The following CNBD1 variants were observed in gnomAD, a reference collection of about 807,000 sequenced individuals.
CNBD1 encodes the protein cyclic nucleotide-binding domain-containing protein 1.
CNBD1 carries 71 observed loss-of-function variants against 54.4 expected under a neutral mutation model. That is an observed-to-expected ratio of 1.30 (90% confidence interval 1.08 to 1.59). The LOEUF is 1.59. Ranked by LOEUF, CNBD1 falls within the 40% of genes most tolerant of loss-of-function variation. The probability of loss-of-function intolerance (pLI) is 0.00; values close to 1 mark genes in which losing one functional copy is unlikely to be tolerated. For missense variants in CNBD1, 659 were observed against 518.0 expected (o/e 1.27, Z -2.64); for synonymous variants, 182 against 170.7 (o/e 1.07, Z -0.51).
intron 8 of CNBD1, among the ~76,000 whole-genome samples, chr8:87,293,416 C>T (rs908223593): frequency 3.9e-5 from 6 of 152,054 alleles, no homozygotes; most frequent in Admixed American, 6.6e-5. Flanking sequence ...CAGTGGCAGG[C>T]GCTTGTAATC....
chr8:87,428,361 T>G (rs1331292528), intron 2 of CNBD1, among the ~76,000 whole-genome samples: 1 of 152,148 alleles, frequency 6.6e-6, no homozygotes, highest in Admixed American at 6.6e-5. Context: ...TTACTGATGC[T>G]AAAATTTTAT....
At chr8:87,362,556 C>T (rs935485207) in intron 10 of CNBD1, among the ~76,000 whole-genome samples, 1 of 151,984 alleles carries the variant, frequency 6.6e-6, no homozygotes, top group African/African-American at 2.4e-5. Context: ...TTAATCATAA[C>T]CTTATTTACA....
At chr8:87,213,475 T>C (rs532087239) in intron 5 of CNBD1, among the ~76,000 whole-genome samples, 1 of 152,110 alleles carries the variant, frequency 6.6e-6, no homozygotes, top group African/African-American at 2.4e-5. Flanking sequence ...ACATCTTACA[T>C]GGTGGCAGAC....
chr8:87,010,872 G>C (rs1809205709), intron 4 of CNBD1, among the ~76,000 whole-genome samples: 1 of 151,968 alleles, frequency 6.6e-6, no homozygotes, highest in Non-Finnish European at 1.5e-5. Flanking sequence ...TTTCCTTGTA[G>C]GTGTGTTTCT....
At chr8:87,361,740 A>G (rs1340192786) in intron 10 of CNBD1, among the ~76,000 whole-genome samples, 1 of 150,932 alleles carries the variant, frequency 6.6e-6, no homozygotes, top group Non-Finnish European at 1.5e-5. Flanking sequence ...ATCTTTGGCT[A>G]ATATGTCATC....
At chr8:87,336,422 T>C (rs1237080583) in intron 8 of CNBD1, among the ~76,000 whole-genome samples, 2 of 152,254 alleles carry the variant, frequency 1.3e-5, no homozygotes, top group South Asian at 2.1e-4. Context: ...TCTAATCTTG[T>C]CTGCCTGCCT....
At chr8:87,290,463 T>G (rs190631909) in intron 8 of CNBD1, among the ~76,000 whole-genome samples, 2 of 152,248 alleles carry the variant, frequency 1.3e-5, no homozygotes, top group Non-Finnish European at 1.5e-5. Context: ...TATACACATA[T>G]TATTTCACAC....
intron 3 of CNBD1, among the ~76,000 whole-genome samples, chr8:86,912,954 A>G (rs1404989175): frequency 6.6e-6 from 1 of 152,178 alleles, no homozygotes; most frequent in Non-Finnish European, 1.5e-5. Context: ...AGTAAAAATA[A>G]AAATAAAAAA....
intron 6 of CNBD1, among the ~76,000 whole-genome samples, chr8:87,268,472 G>A (rs1484380306): frequency 5.3e-5 from 8 of 152,008 alleles, no homozygotes; most frequent in Non-Finnish European, 1.2e-4. Context: ...ATACCCAGTA[G>A]TGGGATGGTT....
rs140916486 is a variant in CNBD1, at chr8:86,919,373, G to A, written c.272+14179G>A. Among the ~76,000 whole-genome samples, 403 of 152,332 alleles carry A rather than the reference G, an allele frequency of 2.6e-3. 3 individuals are homozygous for A. Among genetic ancestry groups the A allele is most frequent in the African/African-American group, 9.4e-3 (389 of 41,576 alleles). On this transcript the variant is annotated intron_variant, in intron 3 of 10. Transcript: ENST00000518476. ...GGTTTGGAGAGCCCCAACCAGCCAT[G>A]TGAGCAGTGAGTTCTTATAGGCCAA...
chr8:87,144,303 G>A (rs1314873280), intron 4 of CNBD1, among the ~76,000 whole-genome samples: 2 of 152,056 alleles, frequency 1.3e-5, no homozygotes, highest in Admixed American at 6.6e-5. Context: ...TTTAAAATGA[G>A]TTTACTTTAG....
At chr8:87,411,924 T>G (rs1169740454) in intron 2 of CNBD1, among the ~76,000 whole-genome samples, 1 of 151,894 alleles carries the variant, frequency 6.6e-6, no homozygotes, top group Non-Finnish European at 1.5e-5. Context: ...TTTAAAAAAG[T>G]TTTGCTTGTA....
intron 10 of CNBD1, among the ~76,000 whole-genome samples, chr8:87,381,170 C>A (rs1318274017): frequency 6.6e-6 from 1 of 151,844 alleles, no homozygotes; most frequent in Non-Finnish European, 1.5e-5. Context: ...ATATATAAGA[C>A]AATATTCCAT....
intron 10 of CNBD1, among the ~76,000 whole-genome samples, chr8:87,358,642 A>G (rs1174843939): frequency 6.6e-6 from 1 of 152,202 alleles, no homozygotes; most frequent in Admixed American, 6.5e-5. Flanking sequence ...ATGTGATTGT[A>G]GAGTACACAA....
At chr8:87,063,751 C>T (rs1810590942) in intron 4 of CNBD1, among the ~76,000 whole-genome samples, 1 of 151,892 alleles carries the variant, frequency 6.6e-6, no homozygotes, top group South Asian at 2.1e-4. Context: ...TTTATTCATC[C>T]ATTTATTTAA....
intron 4 of CNBD1, among the ~76,000 whole-genome samples, chr8:86,978,771 C>A (rs1420492389): frequency 6.6e-6 from 1 of 151,850 alleles, no homozygotes. Context: ...CGACCTCAGG[C>A]GATCCACCTG....
intron 6 of CNBD1, among the ~76,000 whole-genome samples, chr8:87,260,562 T>C (rs959502702): frequency 1.3e-5 from 2 of 152,144 alleles, no homozygotes; most frequent in Admixed American, 6.6e-5. Context: ...ATTTTTACCA[T>C]TCATTCCACT....
chr8:87,384,016 A>C (rs1431177965), downstream of CNBD1, among the ~76,000 whole-genome samples: 4 of 152,058 alleles, frequency 2.6e-5, no homozygotes, highest in African/African-American at 9.7e-5. Context: ...CTTGTTGAAA[A>C]TAAGATTTTA....
intron 6 of CNBD1, among the ~76,000 whole-genome samples, chr8:87,275,745 A>G (rs917212151): frequency 9.9e-5 from 15 of 151,722 alleles, no homozygotes; most frequent in African/African-American, 3.6e-4. Flanking sequence ...GGAGAAGGAA[A>G]TAAAGGGTAT....
Sources: allele counts gnomAD v4.1 joint callset (sites outside exome capture counted in the v4.1 genomes callset), GRCh38; gene constraint gnomAD v4.1.1; transcripts MANE v1.5; gene names NCBI Gene and HGNC (gene_info 2026-07-23, HGNC 2026-07-21).